The following RPS18 variants were observed in gnomAD, a reference collection of about 807,000 sequenced individuals.
RPS18 encodes small ribosomal subunit protein uS13.
For synonymous variants in RPS18, 64 were observed against 70.9 expected (o/e 0.90, Z 0.49); for missense variants, 49 against 200.8 (o/e 0.24, Z 4.57).
intron 1 of RPS18, 189 bp from the exon 2 acceptor site, chr6:33,272,439 G>C (rs1765270413): frequency 3.2e-6 from 2 of 624,282 alleles, no homozygotes; most frequent in South Asian, 1.9e-5. Flanking sequence ...AAGCTTGAAC[G>C]CTTCATGTGC....
At chr6:33,273,358 T>C (rs213205) in intron 2 of RPS18, among the ~76,000 whole-genome samples, 85,458 of 151,968 alleles carry the variant, frequency 0.56, 24,422 homozygotes, top group East Asian at 0.72. Context: ...TAATGAATTC[T>C]TGGCTTTCTA....
intron 1 of RPS18, 177 bp downstream of exon 1, chr6:33,272,299 G>T: frequency 1.4e-6 from 1 of 728,654 alleles, no homozygotes. Context: ...CGGGCCCGAG[G>T]AAGGGTCACT....
At chr6:33,273,277 C>CT (rs1765377313) in intron 2 of RPS18, among the ~76,000 whole-genome samples, 1 of 152,320 alleles carries the variant, frequency 6.6e-6, no homozygotes, top group South Asian at 2.1e-4. Context: ...ATCCATCTTT[C>CT]TTTGGCTTTT....
At chr6:33,272,253 TGGAA>T in intron 1 of RPS18, 131 bp downstream of exon 1, 3 of 1,039,952 alleles carry the variant, frequency 2.9e-6, no homozygotes, top group Non-Finnish European at 4.3e-6. Flanking sequence ...ATCGCGTCCC[TGGAA>T]AGGGACACCA....
At chr6:33,273,472 T>C (rs1225972216) in intron 2 of RPS18, among the ~76,000 whole-genome samples, 1 of 152,184 alleles carries the variant, frequency 6.6e-6, no homozygotes, top group East Asian at 1.9e-4. Context: ...GCCTGTCTTC[T>C]TGGCTTCTGT....
chr6:33,275,776 G>A (rs780396312), intron 2 of RPS18, 21 bp from the exon 3 acceptor site: 2 of 1,527,784 alleles, frequency 1.3e-6, no homozygotes, highest in Non-Finnish European at 1.8e-6. Context: ...CACTAATTCC[G>A]AAACCCCTCA....
At chr6:33,276,138 G>A in intron 4 of RPS18, 38 bp from the exon 5 acceptor site, 1 of 1,607,642 alleles carries the variant, frequency 6.2e-7, no homozygotes, top group Non-Finnish European at 8.5e-7. Context: ...TAGGAGGTCA[G>A]GGGATAAAAC....
chr6:33,272,964 G>A (rs1200473167), intron 2 of RPS18, among the ~76,000 whole-genome samples: 2 of 152,222 alleles, frequency 1.3e-5, no homozygotes, highest in Non-Finnish European at 2.9e-5. Context: ...ACCTGGGGAA[G>A]TGGGGAGGAG....
chr6:33,276,133 G>C (rs754200109), intron 4 of RPS18, 43 bp from the exon 5 acceptor site: 1 of 1,608,286 alleles, frequency 6.2e-7, no homozygotes, highest in East Asian at 2.2e-5. Context: ...GGGCATAGGA[G>C]GTCAGGGGAT....
At chr6:33,273,445 C>T (rs1466621307) in intron 2 of RPS18, among the ~76,000 whole-genome samples, 2 of 151,940 alleles carry the variant, frequency 1.3e-5, no homozygotes, top group Admixed American at 6.6e-5. Context: ...AGTATGTGTC[C>T]ATGCGTGCAG....
chr6:33,276,000 C>T lies in RPS18; in HGVS notation c.225C>T (p.Arg75=), dbSNP rs11551034. Reference sequence around the variant, plus strand: ...TGATCACCATTATGCAGAATCCACGCCAGTACAAGATCCCAGACTGGTTCT... The same window carrying T: ...TGATCACCATTATGCAGAATCCACGTCAGTACAAGATCCCAGACTGGTTCT... ...ERVITIMQNP[R]QYKIPDWFLN... The change falls in exon 4 of 6, where the codon CGC becomes CGT. Residue 75 remains arginine, a synonymous_variant. Transcript: ENST00000439602. 1.2e-6 allele frequency: 2 copies of T among 1,614,056 alleles called. No individual in the cohort carries two copies. The highest frequency in any genetic ancestry group is 1.7e-6 in the Non-Finnish European group (2 of 1,180,020).
chr6:33,273,255 G>A (rs1765374063), intron 2 of RPS18, among the ~76,000 whole-genome samples: 1 of 152,234 alleles, frequency 6.6e-6, no homozygotes, highest in Non-Finnish European at 1.5e-5. Context: ...CTGTCGAAGT[G>A]TGAAGGAGTA....
At chr6:33,275,580 A>G in intron 2 of RPS18, 9 of 581,308 alleles carry the variant, frequency 1.5e-5, no homozygotes, top group Admixed American at 6.2e-5. Flanking sequence ...GGGCCTCCCA[A>G]AGTGCTGGGA....
Position 33,275,892 on chromosome 6 carries a change from A to T in RPS18, c.189+9A>T. 1.2e-6 allele frequency: 2 copies of T among 1,610,492 alleles called. No homozygotes were observed. Among genetic ancestry groups the T allele is most frequent in the South Asian group, 2.2e-5 (2 of 91,004 alleles). On this transcript the variant is annotated intron_variant, in intron 3 of 5. Coordinates refer to ENST00000439602, the MANE Select transcript of RPS18 (RefSeq NM_022551.3). ...AACTCACTGAGGATGAGGTGAGGAC[A>T]AGGAAGGGGGCTGGGGGTGGGGTCA... is the stretch of plus-strand genomic sequence containing the variant.
At chr6:33,274,401 T>G (rs1001682491) in intron 2 of RPS18, among the ~76,000 whole-genome samples, 6 of 152,128 alleles carry the variant, frequency 3.9e-5, no homozygotes, top group Non-Finnish European at 7.4e-5. Flanking sequence ...GGTCTTGAAC[T>G]CCTGGGCTCA....
At chr6:33,274,282 A>G (rs1765486896) in intron 2 of RPS18, among the ~76,000 whole-genome samples, 1 of 152,046 alleles carries the variant, frequency 6.6e-6, no homozygotes, top group South Asian at 2.1e-4. Context: ...TGCAGCCTCG[A>G]CCTCCAGGGC....
intron 2 of RPS18, among the ~76,000 whole-genome samples, chr6:33,273,378 C>T (rs1484301367): frequency 6.6e-6 from 1 of 152,120 alleles, no homozygotes; most frequent in Non-Finnish European, 1.5e-5. Flanking sequence ...AGATACATAA[C>T]GTTCTTTTTT....
chr6:33,272,161 A>T, intron 1 of RPS18, 39 bp downstream of exon 1: 1 of 1,554,444 alleles, frequency 6.4e-7, no homozygotes, highest in Non-Finnish European at 8.7e-7. Context: ...GCGGCATCGC[A>T]GCTCGGGCAA....
chr6:33,276,128 TAGG>T (rs1180706693), intron 4 of RPS18, 45 bp from the exon 5 acceptor site: 1 of 1,607,064 alleles, frequency 6.2e-7, no homozygotes, highest in South Asian at 1.1e-5. Context: ...GAATTGGGCA[TAGG>T]AGGTCAGGGG....
Sources: allele counts gnomAD v4.1 joint callset (sites outside exome capture counted in the v4.1 genomes callset), GRCh38; gene constraint gnomAD v4.1.1; transcripts MANE v1.5; gene names NCBI Gene and HGNC (gene_info 2026-07-23, HGNC 2026-07-21).